COL6A6: variants seen among roughly 807,000 people sequenced by gnomAD.
The protein encoded by COL6A6 is collagen type VI alpha 6 chain.
COL6A6 carries 183 observed loss-of-function variants against 208.6 expected under a neutral mutation model. The ratio of observed to expected loss-of-function variants is 0.88; its 90% confidence interval spans 0.78 to 0.99. COL6A6 has a LOEUF of 0.99. Ranked by LOEUF, COL6A6 falls within the 50% of genes least tolerant of loss-of-function variation. COL6A6 has a pLI of 0.00. For synonymous variants in COL6A6, 973 were observed against 1,011.8 expected, an observed-to-expected ratio of 0.96 and a Z score of 0.73; for missense variants, 2,816 against 2,815.2, an observed-to-expected ratio of 1.00 and a Z score of -0.01.
chr3:130,570,792 G>C, intron 6 of COL6A6, 26 bp from the exon 7 acceptor site: 1 of 1,569,776 alleles, frequency 6.4e-7, no homozygotes, highest in Non-Finnish European at 8.7e-7. Flanking sequence ...AATCTCATAT[G>C]GTTTACCTCT....
At position 130,658,681 on chromosome 3, in the gene COL6A6, C is replaced by T. The variant is rs112353036; in HGVS notation, c.5739C>T (p.Asp1913=). Residue 1913 remains aspartate (D), a synonymous_variant, in exon 34 of 37, where the codon GAC becomes GAT. Coordinates refer to ENST00000358511, the MANE Select transcript of COL6A6 (RefSeq NM_001102608.3). ...VPSVRRAFAI[D]DTGTFQVIVV... Reference sequence around the variant, plus strand: ...GCTGCTTCTGCTTCTTTTAGATTGACGACACTGGCACATTTCAAGTAATAG... The same window carrying T: ...GCTGCTTCTGCTTCTTTTAGATTGATGACACTGGCACATTTCAAGTAATAG... 2,525 of 1,610,684 alleles carry T rather than the reference C, an allele frequency of 1.6e-3. 36 individuals are homozygous for T. The African/African-American group carries it at 0.027, about 17-fold the overall frequency.
intron 33 of COL6A6, among the ~76,000 whole-genome samples, chr3:130,650,046 A>G (rs2108406091): frequency 6.6e-6 from 1 of 152,390 alleles, no homozygotes; most frequent in African/African-American, 2.4e-5. Flanking sequence ...TTCACTAATT[A>G]TAAAGGAAAA....
In COL6A6 at chr3:130,574,042, T is replaced by C; in HGVS notation, c.3064T>C (p.Phe1022Leu). 6.2e-7 allele frequency: 1 copy of C among 1,613,964 alleles called. No homozygotes were observed. The highest frequency in any genetic ancestry group is 8.5e-7 in the Non-Finnish European group (1 of 1,179,882). ...AAATGACTTCAAGAAAATGAAGGAA[T>C]TTCTGGCATCTGTTGTTCAAGACTT... Reference protein sequence around the residue: ...QPNDFKKMKEFLASVVQDFDV... With the variant: ...QPNDFKKMKELLASVVQDFDV... Residue 1022 changes from phenylalanine to leucine, a missense_variant, in exon 8 of 37, where the codon TTT becomes CTT. Physicochemically the swap from Phe to Leu is conservative, Grantham distance 22 (BLOSUM62 0). Transcript: ENST00000358511.
At position 130,568,491 on chromosome 3, in the gene COL6A6, C is replaced by A. The variant is rs746683005; in HGVS notation, c.2288C>A (p.Thr763Asn). Residue 763 changes from threonine (T) to asparagine (N), a missense_variant, in exon 6 of 37, where the codon ACC becomes AAC. Thr to Asn is a moderately conservative substitution (Grantham distance 65). Coordinates refer to ENST00000358511, the MANE Select transcript of COL6A6 (RefSeq NM_001102608.3). ...GTGGGAGTGTTTGGCTCCAATGTCA[C>A]CCAGCTTGAGGAGATCAGTGGGAGG... ...YSVGVFGSNVTQLEEISGRPE... is the reference protein window; with the variant it reads ...YSVGVFGSNVNQLEEISGRPE... 6 of 1,613,674 alleles carry A rather than the reference C, an allele frequency of 3.7e-6. No individual in the cohort carries two copies. The highest frequency in any genetic ancestry group is 5.1e-6 in the Non-Finnish European group (6 of 1,179,870).
At chr3:130,599,982 G>A (rs187358970) in intron 20 of COL6A6, among the ~76,000 whole-genome samples, 172 bp downstream of exon 20, 252 of 152,262 alleles carry the variant, frequency 1.7e-3, no homozygotes, top group African/African-American at 5.8e-3. Context: ...GGAAAGCCCT[G>A]GAAGCTGAGG....
intron 26 of COL6A6, 121 bp downstream of exon 26, chr3:130,627,490 T>C (rs2064926390): frequency 1.3e-6 from 1 of 791,858 alleles, no homozygotes. Flanking sequence ...GTTAGAAATA[T>C]ATTTCAGTAA....
intron 26 of COL6A6, among the ~76,000 whole-genome samples, chr3:130,629,921 C>A: frequency 4.4e-5 from 1 of 22,514 alleles, no homozygotes. Flanking sequence ...AAGGAACAAC[C>A]GGTACCAGCC....
chr3:130,524,544 T>C (rs967549484), intron 1 of COL6A6, among the ~76,000 whole-genome samples: 1 of 151,964 alleles, frequency 6.6e-6, no homozygotes, highest in Non-Finnish European at 1.5e-5. Context: ...CCTCATTTTC[T>C]TGGATCAGCT....
rs573511729 is a variant in COL6A6, at chr3:130,607,092, G to A, written c.4689+126G>A. On this transcript the variant is annotated intron_variant, in intron 21 of 36. Transcript: ENST00000358511. ...GATATTGGTTATGGAATAGAAAGCT[G>A]AAAAAATTTTAGGTTAAGATTTTAA... 911 of 662,276 alleles carry A rather than the reference G, an allele frequency of 1.4e-3. 2 individuals carry two copies. Among genetic ancestry groups the A allele is most frequent in the Middle Eastern group, 3.7e-3 (14 of 3,776 alleles). 41.0% of individuals were successfully genotyped at this position (662,276 alleles called of 1,614,324 possible). A position where few individuals can be genotyped will look rare whatever the true frequency, so the allele number is the denominator to read the frequency against.
intron 1 of COL6A6, among the ~76,000 whole-genome samples, chr3:130,536,639 T>C (rs937907): frequency 0.81 from 123,545 of 152,060 alleles, 50,765 homozygotes; most frequent in Non-Finnish European, 0.87. Context: ...GCAGAAACTG[T>C]GAAGGCCCTC....
chr3:130,611,359 C>T (rs149710722), intron 23 of COL6A6, among the ~76,000 whole-genome samples: 4 of 152,190 alleles, frequency 2.6e-5, no homozygotes, highest in Non-Finnish European at 5.9e-5. Flanking sequence ...CCAGATGATG[C>T]TGATGCTGCT....
Position 130,592,687 on chromosome 3 carries a change from T to A in COL6A6, c.4345-9T>A. The A allele has an allele frequency of 6.2e-7, 1 of 1,613,196 alleles. No individual in the cohort carries two copies. The highest frequency in any genetic ancestry group is 2.2e-5 in the East Asian group (1 of 44,878). Reference sequence around the variant, plus strand: ...CCTACACTAACTATAACTGTCCTTTTATTTTCAGGGAAACAGAGGACTAAA... The same window carrying A: ...CCTACACTAACTATAACTGTCCTTTAATTTTCAGGGAAACAGAGGACTAAA... On this transcript the variant is annotated splice_polypyrimidine_tract_variant and intron_variant, in intron 14 of 36. Coordinates refer to ENST00000358511, the MANE Select transcript of COL6A6 (RefSeq NM_001102608.3).
Position 130,556,697 on chromosome 3 carries a change from A to G in COL6A6, c.-31-3637A>G, listed in dbSNP as rs61266159. On this transcript the variant is annotated intron_variant, in intron 1 of 36. Transcript: ENST00000358511. Reference sequence around the variant, plus strand: ...TTCTTAGATTTATTCTTTTTTTCTAATTTCTGTGTTGGGCACATAATTTCT... The same window carrying G: ...TTCTTAGATTTATTCTTTTTTTCTAGTTTCTGTGTTGGGCACATAATTTCT... Among the ~76,000 whole-genome samples the G allele has an allele frequency of 5.1e-3, 774 of 151,772 alleles. 12 individuals are homozygous for G. The highest frequency in any genetic ancestry group is 0.017 in the African/African-American group (719 of 41,402).
intron 12 of COL6A6, among the ~76,000 whole-genome samples, chr3:130,590,669 G>A (rs1017372836): frequency 2.4e-4 from 36 of 152,030 alleles, no homozygotes; most frequent in African/African-American, 8.2e-4. Flanking sequence ...CCGGGTTCAC[G>A]CCAGTCTCCT....
intron 1 of COL6A6, among the ~76,000 whole-genome samples, chr3:130,539,098 T>A (rs996839711): frequency 6.6e-6 from 1 of 152,174 alleles, no homozygotes; most frequent in Non-Finnish European, 1.5e-5. Context: ...ATTGTCTCCA[T>A]TCCAGCCAAT....
intron 8 of COL6A6, 26 bp downstream of exon 8, chr3:130,574,551 C>A: frequency 1.3e-6 from 2 of 1,564,774 alleles, no homozygotes; most frequent in Admixed American, 1.7e-5. Context: ...GTTCTTCATT[C>A]GATTCCCTAC....
intron 1 of COL6A6, among the ~76,000 whole-genome samples, chr3:130,524,388 C>G (rs1187290248): frequency 2.0e-5 from 3 of 152,208 alleles, no homozygotes; most frequent in South Asian, 2.1e-4. Flanking sequence ...CCCTGCCCCA[C>G]TCTAAACATA....
chr3:130,605,006 C>G (rs1377348006), intron 20 of COL6A6, among the ~76,000 whole-genome samples: 52 of 152,206 alleles, frequency 3.4e-4, no homozygotes, highest in Non-Finnish European at 1.2e-4. Flanking sequence ...GACCTTTCAG[C>G]CTAGTAACCC....
intron 1 of COL6A6, among the ~76,000 whole-genome samples, chr3:130,537,246 G>C (rs754245795): frequency 6.6e-5 from 10 of 152,200 alleles, no homozygotes; most frequent in Non-Finnish European, 1.0e-4. Context: ...ATTAATAGCT[G>C]TGTGACTTTC....
Sources: gnomAD v4.1 joint callset for allele counts (sites outside exome capture counted in the v4.1 genomes callset) on GRCh38, gnomAD v4.1.1 for gene constraint, MANE v1.5 for transcripts, NCBI Gene and HGNC (gene_info 2026-07-23, HGNC 2026-07-21) for gene names.